The following FHIT variants were observed in gnomAD, a reference collection of about 807,000 sequenced individuals.
The protein encoded by FHIT is fragile histidine triad diadenosine triphosphatase, also known as bis(5'-adenosyl)-triphosphatase.
Under a neutral mutation model 17.9 loss-of-function variants are expected in FHIT, and 19 were observed. The ratio of observed to expected loss-of-function variants is 1.06; its 90% CI spans 0.74 to 1.56. The LOEUF (loss-of-function observed/expected upper bound fraction) is 1.56. FHIT is among the 40% of genes most tolerant of loss of function. FHIT has a pLI of 0.00. For synonymous variants in FHIT, 81 were observed against 69.7 expected, an observed-to-expected ratio of 1.16 and a Z score of -0.81; for missense variants, 248 against 189.2, an observed-to-expected ratio of 1.31 and a Z score of -1.82.
chr3:60,252,732 T>A (rs1705780162), intron 5 of FHIT, among the ~76,000 whole-genome samples: 1 of 152,106 alleles, frequency 6.6e-6, no homozygotes, highest in Non-Finnish European at 1.5e-5. Context: ...GGCTCATGCC[T>A]GTAATCCCAG....
intron 5 of FHIT, among the ~76,000 whole-genome samples, chr3:60,513,400 A>G (rs2035022524): frequency 6.6e-6 from 1 of 152,168 alleles, no homozygotes. Flanking sequence ...AATGTGTTGT[A>G]CTCTGTTTTT....
chr3:60,603,646 C>G (rs921120629), intron 4 of FHIT, among the ~76,000 whole-genome samples: 1 of 151,920 alleles, frequency 6.6e-6, no homozygotes, highest in Non-Finnish European at 1.5e-5. Flanking sequence ...AATATAACAC[C>G]ACTTTTCTGA....
At chr3:60,557,013 TG>T in intron 4 of FHIT, among the ~76,000 whole-genome samples, 1 of 152,344 alleles carries the variant, frequency 6.6e-6, no homozygotes, top group African/African-American at 2.4e-5. Context: ...TTAGAAAACT[TG>T]TGCAGTAACA....
At chr3:59,781,978 T>C (rs544336116) in intron 8 of FHIT, among the ~76,000 whole-genome samples, 4 of 152,210 alleles carry the variant, frequency 2.6e-5, no homozygotes, top group Non-Finnish European at 5.9e-5. Flanking sequence ...AAAATCTAGC[T>C]TTTAGGAGAC....
At chr3:61,118,231 C>T (rs1576046586) in intron 2 of FHIT, among the ~76,000 whole-genome samples, 2 of 152,180 alleles carry the variant, frequency 1.3e-5, no homozygotes, top group African/African-American at 2.4e-5. Context: ...CCTATCTTCA[C>T]GTGCCTTTCA....
chr3:61,230,645 C>G (rs2040076787), intron 1 of FHIT, among the ~76,000 whole-genome samples: 2 of 152,054 alleles, frequency 1.3e-5, no homozygotes, highest in South Asian at 4.2e-4. Flanking sequence ...TGCTAAGGAC[C>G]AGTTGACAAA....
At chr3:60,979,392 C>T (rs1710392736) in intron 3 of FHIT, among the ~76,000 whole-genome samples, 1 of 152,210 alleles carries the variant, frequency 6.6e-6, no homozygotes, top group African/African-American at 2.4e-5. Flanking sequence ...CTTCCCACAT[C>T]AGCAGACTGA....
At chr3:60,220,651 C>A (rs959726099) in intron 5 of FHIT, among the ~76,000 whole-genome samples, 8 of 152,122 alleles carry the variant, frequency 5.3e-5, no homozygotes, top group African/African-American at 1.9e-4. Context: ...ACTTCAGTAG[C>A]AGACACTGTG....
intron 5 of FHIT, among the ~76,000 whole-genome samples, chr3:60,051,010 C>G (rs965114777): frequency 3.9e-5 from 6 of 152,110 alleles, no homozygotes; most frequent in Admixed American, 2.0e-4. Flanking sequence ...CAGTTTGTGT[C>G]CTCAGAGGGT....
intron 3 of FHIT, among the ~76,000 whole-genome samples, chr3:60,935,132 A>C (rs782625085): frequency 3.3e-5 from 5 of 152,206 alleles, no homozygotes; most frequent in Non-Finnish European, 7.3e-5. Flanking sequence ...ATTTACAAAA[A>C]AATCTTAATC....
chr3:60,748,955 T>G (rs187902972), intron 4 of FHIT, among the ~76,000 whole-genome samples: 51 of 152,320 alleles, frequency 3.3e-4, no homozygotes, highest in Non-Finnish European at 1.6e-4. Flanking sequence ...GCAATTTTCT[T>G]TTTTTCAAAT....
At chr3:60,927,071 C>T (rs1707660835) in intron 3 of FHIT, among the ~76,000 whole-genome samples, 1 of 152,192 alleles carries the variant, frequency 6.6e-6, no homozygotes, top group African/African-American at 2.4e-5. Context: ...ACTGTACTGC[C>T]ACGATCTCGG....
rs1473028984 is a variant in FHIT, at chr3:59,792,202, T to C, written c.349-39881A>G. 2.0e-5 allele frequency among the ~76,000 whole-genome samples: 3 copies of C among 152,208 alleles called. No homozygotes were observed. In the East Asian group the frequency reaches 5.8e-4, roughly 29 times the overall value. The stretch of plus-strand genomic sequence containing the variant: ...CTCCTTTGAACCCCATGGAGGGTTT[T>C]GGGCCTCAGAACAGGTATATTAAAC... On this transcript the variant is annotated intron_variant, in intron 8 of 9. Coordinates refer to ENST00000492590, the MANE Select transcript of FHIT (RefSeq NM_002012.4).
Position 60,365,822 on chromosome 3 carries a change from T to C in FHIT, c.103+171038A>G, listed in dbSNP as rs568574560. On this transcript the variant is annotated intron_variant, in intron 5 of 9. Coordinates refer to ENST00000492590, the MANE Select transcript of FHIT (RefSeq NM_002012.4). ...TTCAGTAACTTTAGTTAGCTCTCAA[T>C]TGATTTCATTATGGAACATTTTTCT... Among the ~76,000 whole-genome samples, 7 of 152,326 alleles carry C rather than the reference T, an allele frequency of 4.6e-5. No individual in the cohort carries two copies. The South Asian group carries it at 6.2e-4, about 14-fold the overall frequency.
intron 4 of FHIT, among the ~76,000 whole-genome samples, chr3:60,767,108 T>A (rs996733759): frequency 6.6e-6 from 1 of 152,188 alleles, no homozygotes; most frequent in East Asian, 1.9e-4. Context: ...CCTACAAATG[T>A]TAACAGAAAT....
At chr3:60,621,143 G>GTT (rs1559589789) in intron 4 of FHIT, among the ~76,000 whole-genome samples, 1 of 101,150 alleles carries the variant, frequency 9.9e-6, no homozygotes, top group African/African-American at 3.6e-5. Flanking sequence ...GTCTACTTTT[G>GTT]ATTTTTTTTT....
chr3:60,835,357 CACA>C (rs1702499959), intron 3 of FHIT, among the ~76,000 whole-genome samples: 1 of 152,126 alleles, frequency 6.6e-6, no homozygotes, highest in Non-Finnish European at 1.5e-5. Flanking sequence ...AAATCATGAA[CACA>C]ACATTTTTCT....
intron 1 of FHIT, among the ~76,000 whole-genome samples, chr3:61,201,760 G>T (rs148922642): frequency 1.3e-5 from 2 of 152,002 alleles, no homozygotes; most frequent in Non-Finnish European, 2.9e-5. Context: ...GAGCTACACC[G>T]TTTACCAATG....
intron 8 of FHIT, among the ~76,000 whole-genome samples, chr3:59,791,864 G>A (rs66805688): frequency 0.41 from 61,933 of 151,914 alleles, 15,339 homozygotes; most frequent in East Asian, 0.67. Flanking sequence ...AAGTAGGGGC[G>A]CCAAGGTCAA....
Sources: allele counts gnomAD v4.1 joint callset (sites outside exome capture counted in the v4.1 genomes callset), GRCh38; gene constraint gnomAD v4.1.1; transcripts MANE v1.5; gene names NCBI Gene and HGNC (gene_info 2026-07-23, HGNC 2026-07-21).